MYNN: variants seen among roughly 807,000 people sequenced by gnomAD.
MYNN encodes zinc finger and BTB domain-containing protein 31.
Under a neutral mutation model 57.2 loss-of-function variants are expected in MYNN, and 22 were observed. The ratio of observed to expected loss-of-function variants is 0.38; its 90% confidence interval spans 0.27 to 0.55. The LOEUF (loss-of-function observed/expected upper bound fraction) is 0.55, where lower values mean the gene tolerates loss of function less well. Ranked by LOEUF, MYNN falls within the 20% of genes least tolerant of loss-of-function variation. The pLI, the probability that MYNN is intolerant of heterozygous loss-of-function variation, is 0.71. For missense variants in MYNN, 566 were observed against 723.1 expected (o/e 0.78, Z 2.49); for synonymous variants, 241 against 257.1 (o/e 0.94, Z 0.60).
intron 7 of MYNN, among the ~76,000 whole-genome samples, chr3:169,786,081 CT>C (rs1303658187): frequency 6.6e-6 from 1 of 151,892 alleles, no homozygotes; most frequent in Non-Finnish European, 1.5e-5. Flanking sequence ...CAAGGCATAC[CT>C]GAGTAGAATG....
Position 169,778,892 on chromosome 3 carries a change from A to G in MYNN, c.391A>G (p.Ser131Gly), listed in dbSNP as rs773090803. Residue 131 changes from serine to glycine, a missense_variant, in exon 3 of 8, where the codon AGT (serine) becomes GGT (glycine). Ser to Gly is a moderately conservative substitution (Grantham distance 56). Coordinates refer to ENST00000349841, the MANE Select transcript of MYNN (RefSeq NM_018657.5). Reference sequence around the variant, plus strand: ...TAATCCTTCTTCTACAGAGATATCTAGTATTACTGGAAACATTGAATTGAA... The same window carrying G: ...TAATCCTTCTTCTACAGAGATATCTGGTATTACTGGAAACATTGAATTGAA... Reference protein sequence around the residue: ...IANPSSTEISSITGNIELNQQ... With the variant: ...IANPSSTEISGITGNIELNQQ... The G allele has an allele frequency of 6.2e-6, 10 of 1,613,864 alleles. No homozygotes were observed. The highest frequency in any genetic ancestry group is 1.3e-5 in the African/African-American group (1 of 74,942).
intron 3 of MYNN, 109 bp from the exon 4 acceptor site, chr3:169,780,481 C>A: frequency 1.4e-6 from 1 of 697,828 alleles, no homozygotes; most frequent in Non-Finnish European, 2.2e-6. Flanking sequence ...TCAGTTCCAA[C>A]AGTTAACATT....
At chr3:169,777,029 TA>T (rs1349173336) in intron 2 of MYNN, among the ~76,000 whole-genome samples, 9 of 152,218 alleles carry the variant, frequency 5.9e-5, no homozygotes, top group Admixed American at 5.9e-4. Flanking sequence ...ATATTGGTCT[TA>T]AAGGCTACCT....
At chr3:169,780,329 A>G (rs1778474512) in intron 3 of MYNN, 1 of 270,342 alleles carries the variant, frequency 3.7e-6, no homozygotes, top group Non-Finnish European at 6.9e-6. Flanking sequence ...AAGTGCTGGG[A>G]TTATAGGCGT....
rs1778684609 is a variant in MYNN, at chr3:169,786,567, C to T, written c.1722C>T (p.His574=). Residue 574 remains histidine (H), a synonymous_variant, in exon 8 of 8, where the codon CAC becomes CAT. Coordinates refer to ENST00000349841, the MANE Select transcript of MYNN (RefSeq NM_018657.5). Reference sequence around the variant, plus strand: ...TTCCACTTGGGACTGAGGACCATCACATGCTTCTGCCTGTCACGGATACTC... The same window carrying T: ...TTCCACTTGGGACTGAGGACCATCATATGCTTCTGCCTGTCACGGATACTC... ...LALPLGTEDH[H]MLLPVTDTQS... is the part of the protein sequence containing the mutation. The T allele has an allele frequency of 2.5e-6, 4 of 1,613,702 alleles. No homozygotes were observed. The South Asian group carries it at 3.3e-5, about 13-fold the overall frequency.
chr3:169,779,874 C>G (rs1176606211), intron 3 of MYNN: 1 of 312,354 alleles, frequency 3.2e-6, no homozygotes. Flanking sequence ...AATTACAATT[C>G]AGGCCAATTT....
intron 1 of MYNN, 150 bp from the exon 2 acceptor site, chr3:169,774,115 G>T: frequency 3.3e-6 from 2 of 605,210 alleles, no homozygotes. Context: ...AAGATAGAAA[G>T]GCACTCATCC....
chr3:169,779,399 G>C lies in MYNN; in HGVS notation c.898G>C (p.Ala300Pro), dbSNP rs199962374. The change falls in exon 3 of 8, where the codon GCC becomes CCC. Residue 300 changes from alanine (A) to proline (P), a missense_variant. This residue lies in a region of MYNN where 123 missense variants were observed against 222.6 expected (regional missense o/e 0.55). Transcript: ENST00000349841. ...GEELDQRYSK[A>P]KPMCNTCGKV... ...AGAGCTGGATCAGAGGTATTCCAAG[G>C]CCAAGCCAATGTGTAACACATGTGG... 1 of 1,614,178 alleles carries C rather than the reference G, an allele frequency of 6.2e-7. No individual in the cohort carries two copies. Among genetic ancestry groups the C allele is most frequent in the East Asian group, 2.2e-5 (1 of 44,886 alleles).
chr3:169,776,307 T>A (rs1443316884), intron 2 of MYNN, among the ~76,000 whole-genome samples: 2 of 152,178 alleles, frequency 1.3e-5, no homozygotes, highest in Admixed American at 6.5e-5. Flanking sequence ...ATAGAAAGGC[T>A]TACAACTTAG....
intron 7 of MYNN, among the ~76,000 whole-genome samples, 198 bp downstream of exon 7, chr3:169,784,906 C>G (rs1281452359): frequency 4.6e-5 from 6 of 130,766 alleles, no homozygotes; most frequent in Non-Finnish European, 7.9e-5. Flanking sequence ...TATTGAATCT[C>G]TTATTTAAAA....
intron 7 of MYNN, 98 bp downstream of exon 7, chr3:169,784,806 C>A: frequency 1.3e-6 from 1 of 753,050 alleles, no homozygotes; most frequent in Non-Finnish European, 2.1e-6. Context: ...TACATTTAAG[C>A]AGTTTAAATT....
intron 3 of MYNN, chr3:169,780,175 A>C (rs1351001087): frequency 1.3e-5 from 2 of 155,600 alleles, no homozygotes; most frequent in Admixed American, 1.3e-4. Flanking sequence ...CTGCTGCCTC[A>C]GCCTCCCGAG....
At chr3:169,774,054 C>T in intron 1 of MYNN, 1 of 446,176 alleles carries the variant, frequency 2.2e-6, no homozygotes, top group Non-Finnish European at 4.0e-6. Context: ...TGCCATTCAC[C>T]GTCACTTATT....
rs1778539220 is a variant in MYNN at position 169,782,251 on chromosome 3, G to C, written c.1221-214G>C. Among the ~76,000 whole-genome samples the C allele has an allele frequency of 6.6e-6, 1 of 152,118 alleles. No homozygotes were observed. The highest frequency in any genetic ancestry group is 6.6e-5 in the Admixed American group (1 of 15,266). ...CACTGACAACCATATAAAGATCATG[G>C]AAAAACTTTTTGAACTGATCTCAGA... On this transcript the variant is annotated intron_variant, in intron 4 of 7. Coordinates refer to ENST00000349841, the MANE Select transcript of MYNN (RefSeq NM_018657.5). The surrounding 1 kb of genome is among the most constrained non-coding windows in gnomAD (Gnocchi z 4.8).
intron 2 of MYNN, 121 bp downstream of exon 2, chr3:169,774,682 A>G (rs1040063108): frequency 4.0e-5 from 36 of 909,134 alleles, no homozygotes; most frequent in Middle Eastern, 3.4e-4. Context: ...TATGCACACA[A>G]TGTTTGTTTT....
intron 2 of MYNN, among the ~76,000 whole-genome samples, chr3:169,776,846 G>C (rs908928496): frequency 6.6e-6 from 1 of 151,886 alleles, no homozygotes; most frequent in Non-Finnish European, 1.5e-5. Context: ...TGGAATTACA[G>C]GCACCCGCCA....
At chr3:169,783,958 T>C (rs538151497) in intron 6 of MYNN, 1 of 272,854 alleles carries the variant, frequency 3.7e-6, no homozygotes, top group East Asian at 1.1e-4. Context: ...TAAAAAGTAG[T>C]TTGTAAATTG....
chr3:169,780,679 G>A lies in MYNN; in HGVS notation c.1150G>A (p.Glu384Lys), dbSNP rs1266170673. ...CCATAGTCGCATGCATCATGGTGAA[G>A]AAAAACCCTATAAATGTGATGTATG... ...VFHSRMHHGE[E>K]KPYKCDVCNL... Residue 384 changes from glutamate to lysine, a missense_variant, in exon 4 of 8, where the codon GAA (glutamate) becomes AAA (lysine). This residue lies in a region of MYNN where 123 missense variants were observed against 222.6 expected (regional missense o/e 0.55). Coordinates refer to ENST00000349841, the MANE Select transcript of MYNN (RefSeq NM_018657.5). 6.2e-7 allele frequency: 1 copy of A among 1,612,642 alleles called. No homozygotes were observed. Among genetic ancestry groups the A allele is most frequent in the Non-Finnish European group, 8.5e-7 (1 of 1,179,590 alleles).
At chr3:169,781,930 G>A (rs1778530469) in intron 4 of MYNN, among the ~76,000 whole-genome samples, 1 of 152,068 alleles carries the variant, frequency 6.6e-6, no homozygotes, top group Non-Finnish European at 1.5e-5. Flanking sequence ...TAATATGGGA[G>A]ACATCAGTAT....
Sources: gnomAD v4.1 joint callset for allele counts (sites outside exome capture counted in the v4.1 genomes callset) on GRCh38, gnomAD v4.1.1 for gene constraint, gnomAD v4.1.1 regional missense constraint, Gnocchi (gnomAD v3.1) non-coding constraint, MANE v1.5 for transcripts, NCBI Gene and HGNC (gene_info 2026-07-23, HGNC 2026-07-21) for gene names.